The following PRKDC variants were observed in gnomAD, a reference collection of about 807,000 sequenced individuals.
The protein encoded by PRKDC is protein kinase, DNA-activated, catalytic subunit, also known as DNA-dependent protein kinase catalytic subunit.
PRKDC carries 82 observed loss-of-function variants against 486.9 expected under a neutral mutation model. The observed-to-expected ratio is 0.17, with a 90% CI of 0.14 to 0.20. The LOEUF is 0.20. PRKDC is among the 10% of genes least tolerant of loss of function. The probability of loss-of-function intolerance (pLI) is 1.00; values close to 1 mark genes in which losing one functional copy is unlikely to be tolerated. For missense variants in PRKDC, 4,504 were observed against 5,038.2 expected (o/e 0.89, Z 3.21); for synonymous variants, 1,895 against 1,837.0 (o/e 1.03, Z -0.81).
intron 49 of PRKDC, among the ~76,000 whole-genome samples, chr8:47,855,872 A>G (rs2088527935): frequency 6.6e-6 from 1 of 152,198 alleles, no homozygotes; most frequent in South Asian, 2.1e-4. Context: ...TCTAGGGGCA[A>G]ACAGAACAAG....
chr8:47,886,877 A>G (rs911049896), intron 35 of PRKDC, among the ~76,000 whole-genome samples: 5 of 152,124 alleles, frequency 3.3e-5, no homozygotes, highest in Admixed American at 6.6e-5. Flanking sequence ...TTTTGTAGAA[A>G]CAGGGTCTCG....
At chr8:47,803,101 A>T (rs2087143367) in intron 70 of PRKDC, among the ~76,000 whole-genome samples, 1 of 152,178 alleles carries the variant, frequency 6.6e-6, no homozygotes, top group Non-Finnish European at 1.5e-5. Flanking sequence ...ATGGCTTTTC[A>T]TGTTTGTTTA....
intron 69 of PRKDC, 122 bp downstream of exon 69, chr8:47,807,015 G>C (rs1332555882): frequency 4.8e-6 from 5 of 1,038,302 alleles, no homozygotes; most frequent in Non-Finnish European, 5.3e-6. Flanking sequence ...TATAAAGAGA[G>C]AAAAAAAATA....
At chr8:47,799,170 C>A (rs371158962) in intron 72 of PRKDC, 40 bp downstream of exon 72, 1 of 1,608,372 alleles carries the variant, frequency 6.2e-7, no homozygotes, top group African/African-American at 1.3e-5. Context: ...AGACTTTATG[C>A]TGACATAATG....
At chr8:47,912,318 T>C in intron 25 of PRKDC, 92 bp downstream of exon 25, 1 of 1,346,440 alleles carries the variant, frequency 7.4e-7, no homozygotes, top group Non-Finnish European at 9.8e-7. Context: ...TTCCTAACCA[T>C]CTCCAGGTAA....
At chr8:47,893,905 C>T (rs1008745657) in intron 30 of PRKDC, among the ~76,000 whole-genome samples, 1 of 152,170 alleles carries the variant, frequency 6.6e-6, no homozygotes, top group Non-Finnish European at 1.5e-5. Flanking sequence ...ATTTTGTATG[C>T]TCTGAAATCA....
rs757491889 is a variant in PRKDC at position 47,939,647 on chromosome 8, CTGCAGTTTATTTTTA to C, written c.1002_1016del (p.His334_Leu338del). On this transcript the variant is annotated inframe_deletion, in exon 11 of 86. Transcript: ENST00000314191. ...TTCCATAAAACTGCTCCATAAAGTA[CTGCAGTTTATTTTTA>C]TGCATTTCTGCATTTTTCGCCACCA... The C allele has an allele frequency of 1.2e-6, 2 of 1,611,262 alleles. No individual in the cohort carries two copies. Among genetic ancestry groups the C allele is most frequent in the Non-Finnish European group, 1.7e-6 (2 of 1,178,436 alleles).
chr8:47,922,363 T>A (rs970133700), intron 21 of PRKDC, among the ~76,000 whole-genome samples: 1 of 152,000 alleles, frequency 6.6e-6, no homozygotes, highest in Non-Finnish European at 1.5e-5. Flanking sequence ...TCCCAGCCAC[T>A]TGGGAAGCTG....
chr8:47,779,997 CT>C (rs1190752344), intron 80 of PRKDC, among the ~76,000 whole-genome samples: 1 of 151,050 alleles, frequency 6.6e-6, no homozygotes, highest in Admixed American at 6.6e-5. Flanking sequence ...TTGCTACAAC[CT>C]CTACCTCCTG....
At chr8:47,811,038 T>C (rs1450678355) in intron 68 of PRKDC, among the ~76,000 whole-genome samples, 2 of 151,966 alleles carry the variant, frequency 1.3e-5, no homozygotes, top group Non-Finnish European at 2.9e-5. Context: ...GACTGAAAAC[T>C]CCCCAAATCT....
intron 41 of PRKDC, 151 bp downstream of exon 41, chr8:47,864,405 G>A: frequency 1.5e-6 from 1 of 676,006 alleles, no homozygotes; most frequent in Non-Finnish European, 2.4e-6. Context: ...AGAAGCCACA[G>A]GAAATAAAGG....
chr8:47,878,595 C>T (rs547000777), intron 39 of PRKDC, among the ~76,000 whole-genome samples: 7 of 152,272 alleles, frequency 4.6e-5, no homozygotes, highest in African/African-American at 7.2e-5. Context: ...GCCGCTCCCC[C>T]GATGTTCTCA....
At chr8:47,891,226 A>G (rs1220327437) in intron 31 of PRKDC, among the ~76,000 whole-genome samples, 3 of 152,182 alleles carry the variant, frequency 2.0e-5, no homozygotes, top group Non-Finnish European at 4.4e-5. Context: ...GCCAAGGGAC[A>G]ATTTAAAATA....
At chr8:47,792,882 T>C (rs1001602729) in intron 74 of PRKDC, among the ~76,000 whole-genome samples, 1 of 152,240 alleles carries the variant, frequency 6.6e-6, no homozygotes, top group African/African-American at 2.4e-5. Flanking sequence ...AAAAGGTCAC[T>C]TTTTAAAAAA....
In PRKDC at chr8:47,910,229, C is replaced by G. The variant is rs77153181; in HGVS notation, c.2934+2181G>C. Reference sequence around the variant, plus strand: ...TCTTAGTTATTTTCCATCCACTGACCCTGACCCTGCTCCTTGGCTATCAAT... The same window carrying G: ...TCTTAGTTATTTTCCATCCACTGACGCTGACCCTGCTCCTTGGCTATCAAT... On this transcript the variant is annotated intron_variant, in intron 25 of 85. Coordinates refer to ENST00000314191, the MANE Select transcript of PRKDC (RefSeq NM_006904.7). Among the ~76,000 whole-genome samples the G allele has an allele frequency of 3.9e-3, 588 of 152,226 alleles. 20 individuals carry two copies. In the East Asian group the frequency reaches 0.074, roughly 19 times the overall value.
At chr8:47,937,697 G>C (rs1195150121) in intron 11 of PRKDC, among the ~76,000 whole-genome samples, 2 of 152,238 alleles carry the variant, frequency 1.3e-5, no homozygotes, top group African/African-American at 4.8e-5. Context: ...CTCAAGTGGG[G>C]ATAGATCACT....
chr8:47,833,038 G>A (rs2087925199), intron 59 of PRKDC, among the ~76,000 whole-genome samples: 1 of 152,206 alleles, frequency 6.6e-6, no homozygotes, highest in Admixed American at 6.5e-5. Flanking sequence ...AGACCACCAA[G>A]CCATCAGATC....
chr8:47,774,392 AAC>A lies in PRKDC; in HGVS notation c.12183-17_12183-16del, dbSNP rs1226014700. ...GTAGCTCATCACTGGAAAAAAAACA[AAC>A]ACAGAAAACACAAAGCATGTGTCAT... On this transcript the variant is annotated splice_polypyrimidine_tract_variant and intron_variant, in intron 85 of 85. Coordinates refer to ENST00000314191, the MANE Select transcript of PRKDC (RefSeq NM_006904.7). 3.7e-6 allele frequency: 6 copies of A among 1,606,284 alleles called. No homozygotes were observed. The African/African-American group carries it at 6.7e-5, about 18-fold the overall frequency.
At chr8:47,844,533 A>T (rs572976926) in intron 54 of PRKDC, among the ~76,000 whole-genome samples, 1 of 152,190 alleles carries the variant, frequency 6.6e-6, no homozygotes, top group African/African-American at 2.4e-5. Flanking sequence ...ACACTTGAAC[A>T]ATCGGACCCA....
Sources: gnomAD v4.1 joint callset for allele counts (sites outside exome capture counted in the v4.1 genomes callset) on GRCh38, gnomAD v4.1.1 for gene constraint, MANE v1.5 for transcripts, NCBI Gene and HGNC (gene_info 2026-07-23, HGNC 2026-07-21) for gene names.